Variants in AK9 observed in about 807,000 individuals in gnomAD.
AK9 encodes the protein adenylate kinase domain containing 1.
AK9 carries 191 observed loss-of-function variants against 239.6 expected under a neutral mutation model. The observed-to-expected ratio is 0.80, with a 90% CI of 0.71 to 0.90. The LOEUF is 0.90. AK9 is among the 40% of genes least tolerant of loss of function. AK9 has a pLI of 0.00. For missense variants in AK9, 1,995 were observed against 2,214.7 expected (o/e 0.90, Z 1.99); for synonymous variants, 689 against 721.0 (o/e 0.96, Z 0.71).
intron 32 of AK9, among the ~76,000 whole-genome samples, chr6:109,509,616 C>T (rs1049123920): frequency 6.6e-6 from 1 of 152,138 alleles, no homozygotes; most frequent in Non-Finnish European, 1.5e-5. Flanking sequence ...CAGCCTCATC[C>T]TCCTGGGTGT....
intron 5 of AK9, among the ~76,000 whole-genome samples, chr6:109,663,692 C>T (rs1230679791): frequency 1.3e-5 from 2 of 152,172 alleles, no homozygotes; most frequent in East Asian, 1.9e-4. Context: ...ATGACCAATG[C>T]ATGGTGCCAC....
At chr6:109,674,450 A>G (rs1771407916) in intron 2 of AK9, among the ~76,000 whole-genome samples, 189 bp from the exon 3 acceptor site, 1 of 152,180 alleles carries the variant, frequency 6.6e-6, no homozygotes, top group Non-Finnish European at 1.5e-5. Flanking sequence ...TGCATATGTC[A>G]CATCTCCTAA....
intron 29 of AK9, among the ~76,000 whole-genome samples, chr6:109,518,769 C>T (rs977387016): frequency 2.0e-5 from 3 of 151,688 alleles, no homozygotes; most frequent in African/African-American, 7.3e-5. Flanking sequence ...AAATTTCTTT[C>T]CATATCAGAA....
chr6:109,605,577 T>G (rs1792743834), intron 17 of AK9, among the ~76,000 whole-genome samples: 1 of 152,102 alleles, frequency 6.6e-6, no homozygotes, highest in Non-Finnish European at 1.5e-5. Context: ...TGCAAATGGA[T>G]AAAGAGCAAA....
At chr6:109,522,162 T>C (rs946857670) in intron 29 of AK9, among the ~76,000 whole-genome samples, 4 of 152,086 alleles carry the variant, frequency 2.6e-5, no homozygotes, top group African/African-American at 9.7e-5. Context: ...CTTACCTCCA[T>C]TCCTTTGTAG....
chr6:109,525,007 T>C (rs1269002831), intron 29 of AK9, among the ~76,000 whole-genome samples: 2 of 152,190 alleles, frequency 1.3e-5, no homozygotes, highest in South Asian at 4.1e-4. Flanking sequence ...TTTCAGGTCT[T>C]ACATTTAAAT....
In AK9 at chr6:109,656,841, T is replaced by C; in HGVS notation, c.674A>G (p.His225Arg). Residue 225 changes from histidine to arginine, a missense_variant, in exon 8 of 41, where the codon CAT (histidine) becomes CGT (arginine). Physicochemically the swap from His to Arg is conservative, Grantham distance 29. Transcript: ENST00000424296. ...EMQMVAEILH[H>R]LVQRPEDYLE... ...ATAATCTTCAGGCCTCTGAACTAGA[T>C]GATGAAGAATTTCAGCCACCATCTG... 6.2e-7 allele frequency: 1 copy of C among 1,612,662 alleles called. No individual in the cohort carries two copies. Among genetic ancestry groups the C allele is most frequent in the Non-Finnish European group, 8.5e-7 (1 of 1,179,046 alleles).
intron 13 of AK9, among the ~76,000 whole-genome samples, chr6:109,618,553 C>G (rs1290694024): frequency 6.6e-6 from 1 of 152,116 alleles, no homozygotes; most frequent in Non-Finnish European, 1.5e-5. Context: ...GATCAAGTCT[C>G]AGCTATGCTA....
At chr6:109,518,914 C>T (rs893894703) in intron 29 of AK9, among the ~76,000 whole-genome samples, 1 of 151,956 alleles carries the variant, frequency 6.6e-6, no homozygotes, top group Non-Finnish European at 1.5e-5. Flanking sequence ...TTGTGTCACC[C>T]GGATAGTCAG....
chr6:109,681,056 C>T (rs568203429), intron 1 of AK9, among the ~76,000 whole-genome samples: 10 of 152,222 alleles, frequency 6.6e-5, no homozygotes, highest in East Asian at 3.9e-4. Context: ...GCAAAACAGC[C>T]GGCTAGCATC....
chr6:109,499,013 A>G, intron 36 of AK9, 31 bp downstream of exon 36: 9 of 1,402,200 alleles, frequency 6.4e-6, no homozygotes, highest in Non-Finnish European at 8.5e-6. Flanking sequence ...TTCTTTCTTT[A>G]GTAAATATTT....
intron 5 of AK9, among the ~76,000 whole-genome samples, chr6:109,666,303 T>C (rs1801187669): frequency 2.0e-5 from 3 of 152,202 alleles, no homozygotes; most frequent in Admixed American, 1.3e-4. Context: ...AGGGACACAC[T>C]GCTTGTTAAA....
chr6:109,642,970 T>G (rs1797639973), intron 9 of AK9, among the ~76,000 whole-genome samples: 1 of 152,188 alleles, frequency 6.6e-6, no homozygotes, highest in Admixed American at 6.5e-5. Context: ...AGCTACTGAC[T>G]GAATGAAATC....
intron 17 of AK9, among the ~76,000 whole-genome samples, chr6:109,588,123 T>C (rs561832592): frequency 3.3e-4 from 50 of 151,770 alleles, no homozygotes; most frequent in Admixed American, 7.2e-4. Context: ...CAGGCTGGAG[T>C]GCAGTGGCGC....
At chr6:109,542,302 G>T in intron 26 of AK9, 131 bp from the exon 27 acceptor site, 1 of 806,006 alleles carries the variant, frequency 1.2e-6, no homozygotes, top group Non-Finnish European at 1.9e-6. Flanking sequence ...GTTACCACAG[G>T]CAGGGAAGGG....
intron 29 of AK9, among the ~76,000 whole-genome samples, chr6:109,524,029 A>G (rs1361041384): frequency 2.0e-5 from 3 of 152,170 alleles, no homozygotes; most frequent in East Asian, 3.8e-4. Flanking sequence ...TCATAAAGAA[A>G]GATAATTGTC....
Position 109,675,759 on chromosome 6 carries a change from A to G in AK9, c.-11-3T>C, listed in dbSNP as rs773210959. 6.9e-5 allele frequency: 103 copies of G among 1,487,454 alleles called. No individual in the cohort carries two copies. Among genetic ancestry groups the G allele is most frequent in the Middle Eastern group, 5.2e-4 (3 of 5,818 alleles). The allele number at this position is 1,487,454 out of a possible 1,614,324, so 92.1% of individuals were successfully genotyped here. On this transcript the variant is annotated splice_region_variant and splice_polypyrimidine_tract_variant and intron_variant, in intron 1 of 40. Coordinates refer to ENST00000424296, the MANE Select transcript of AK9 (RefSeq NM_001145128.3). ...TTGAGAAGTCATGACACAAAATACT[A>G]CAATAAAAAAGGGTAAGATTGTTAA...
At chr6:109,587,104 A>G (rs1789603683) in intron 17 of AK9, among the ~76,000 whole-genome samples, 1 of 152,130 alleles carries the variant, frequency 6.6e-6, no homozygotes, top group Non-Finnish European at 1.5e-5. Flanking sequence ...CACTATGTCC[A>G]TCTTGCTTTT....
intron 29 of AK9, chr6:109,528,607 C>CTGCAGT (rs148271752): frequency 0.058 from 26,572 of 458,994 alleles, 954 homozygotes; most frequent in Admixed American, 0.1. Context: ...TGCTTTGTGC[C>CTGCAGT]TGCAGTTGCA....
Sources: gnomAD v4.1 joint callset for allele counts (sites outside exome capture counted in the v4.1 genomes callset) on GRCh38, gnomAD v4.1.1 for gene constraint, MANE v1.5 for transcripts, NCBI Gene and HGNC (gene_info 2026-07-23, HGNC 2026-07-21) for gene names.